The following LTBP1 variants were observed in gnomAD, a reference collection of about 807,000 sequenced individuals.
LTBP1 encodes latent transforming growth factor beta binding protein 1, also known as latent-transforming growth factor beta-binding protein 1.
LTBP1 carries 129 observed loss-of-function variants against 207.6 expected under a neutral mutation model. The observed-to-expected ratio is 0.62, with a 90% confidence interval of 0.54 to 0.72. LTBP1 has a LOEUF of 0.72. Ranked by LOEUF, LTBP1 falls within the 30% of genes least tolerant of loss-of-function variation. The probability of loss-of-function intolerance (pLI) is 0.00; values close to 1 mark genes in which losing one functional copy is unlikely to be tolerated. For missense variants in LTBP1, 2,281 were observed against 2,217.2 expected (o/e 1.03, Z -0.58); for synonymous variants, 963 against 833.7 (o/e 1.16, Z -2.67).
intron 26 of LTBP1, 107 bp downstream of exon 26, chr2:33,347,617 G>T: frequency 7.5e-7 from 1 of 1,333,632 alleles, no homozygotes; most frequent in Non-Finnish European, 1.1e-6. Flanking sequence ...GCAGCCAGAT[G>T]TCCTGACACA....
intron 5 of LTBP1, among the ~76,000 whole-genome samples, chr2:33,169,336 T>A (rs1332837930): frequency 6.6e-6 from 1 of 152,182 alleles, no homozygotes; most frequent in Non-Finnish European, 1.5e-5. Context: ...ACATTATGTC[T>A]CTCTCCCCCT....
At chr2:33,149,634 AAGGATTGAG>A (rs1461829822) in intron 5 of LTBP1, among the ~76,000 whole-genome samples, 1 of 152,164 alleles carries the variant, frequency 6.6e-6, no homozygotes, top group African/African-American at 2.4e-5. Context: ...TAGAGGGTGC[AAGGATTGAG>A]ATGGTTTGGG....
chr2:33,337,726 G>C (rs2094569175), intron 24 of LTBP1, among the ~76,000 whole-genome samples: 1 of 152,146 alleles, frequency 6.6e-6, no homozygotes, highest in Non-Finnish European at 1.5e-5. Flanking sequence ...AAGCAAAATT[G>C]CTTGGTAGTT....
intron 5 of LTBP1, among the ~76,000 whole-genome samples, chr2:33,140,494 A>G (rs939068705): frequency 3.9e-5 from 6 of 152,214 alleles, no homozygotes; most frequent in Non-Finnish European, 7.3e-5. Context: ...TTTCAATACA[A>G]TAGTAAAAGA....
intron 2 of LTBP1, among the ~76,000 whole-genome samples, chr2:33,007,274 CCCGG>C (rs1205850392): frequency 2.6e-5 from 4 of 152,230 alleles, no homozygotes; most frequent in Admixed American, 2.6e-4. Flanking sequence ...AGCCATCATG[CCCGG>C]CCTTGAAAGG....
chr2:33,113,412 G>A (rs1340618522), intron 4 of LTBP1, among the ~76,000 whole-genome samples: 3 of 152,164 alleles, frequency 2.0e-5, no homozygotes, highest in Admixed American at 6.5e-5. Context: ...GGATGGAGGT[G>A]ATGGATTTAG....
At chr2:33,285,508 G>A (rs1289011366) in intron 19 of LTBP1, among the ~76,000 whole-genome samples, 1 of 146,016 alleles carries the variant, frequency 6.8e-6, no homozygotes, top group Non-Finnish European at 1.5e-5. Flanking sequence ...GAGTGCAATG[G>A]CGCGATCTCG....
chr2:33,208,407 A>G (rs2149235000), intron 7 of LTBP1, among the ~76,000 whole-genome samples: 1 of 152,286 alleles, frequency 6.6e-6, no homozygotes, highest in East Asian at 1.9e-4. Flanking sequence ...CGAGCCATTT[A>G]AGAGCTGTAA....
intron 2 of LTBP1, among the ~76,000 whole-genome samples, chr2:32,953,069 A>G (rs887699523): frequency 6.6e-6 from 1 of 152,232 alleles, no homozygotes; most frequent in Non-Finnish European, 1.5e-5. Flanking sequence ...TCTCCTTAGA[A>G]AGAAACAGAA....
chr2:33,248,586 ATTTT>A (rs201927841), intron 10 of LTBP1, among the ~76,000 whole-genome samples: 2 of 140,678 alleles, frequency 1.4e-5, no homozygotes, highest in African/African-American at 2.6e-5. Flanking sequence ...TTCTCCACGA[ATTTT>A]TTTTTTTTTT....
chr2:32,996,670 C>T (rs140432281), intron 2 of LTBP1, among the ~76,000 whole-genome samples: 319 of 152,174 alleles, frequency 2.1e-3, no homozygotes, highest in African/African-American at 7.4e-3. Flanking sequence ...TCGGAGTTTT[C>T]AAGGAACTTG....
chr2:33,144,389 C>G (rs1181978050), intron 5 of LTBP1, among the ~76,000 whole-genome samples: 4 of 152,132 alleles, frequency 2.6e-5, no homozygotes, highest in Non-Finnish European at 4.4e-5. Context: ...AGCACCATGT[C>G]CTCTCTGCCT....
intron 2 of LTBP1, among the ~76,000 whole-genome samples, chr2:32,957,839 G>A (rs1430909256): frequency 6.6e-6 from 1 of 152,162 alleles, no homozygotes; most frequent in East Asian, 1.9e-4. Context: ...ACTGATGTGT[G>A]TCTGTTAATT....
At chr2:33,240,637 G>A (rs1046274905) in intron 9 of LTBP1, among the ~76,000 whole-genome samples, 2 of 149,286 alleles carry the variant, frequency 1.3e-5, no homozygotes, top group African/African-American at 5.0e-5. Flanking sequence ...TCAGGTGATG[G>A]AAACATTCTT....
chr2:33,315,804 G>A (rs576563352), intron 24 of LTBP1, among the ~76,000 whole-genome samples: 2 of 152,274 alleles, frequency 1.3e-5, no homozygotes, highest in South Asian at 4.2e-4. Context: ...AGGTGTGGTG[G>A]TGGGTGTCTG....
At chr2:33,265,196 A>G (rs2093141214) in intron 15 of LTBP1, among the ~76,000 whole-genome samples, 1 of 152,186 alleles carries the variant, frequency 6.6e-6, no homozygotes, top group Non-Finnish European at 1.5e-5. Context: ...CACACCCAGA[A>G]ATATGTGATC....
In LTBP1 at chr2:33,399,458, G is replaced by A. The variant is rs2095386728; in HGVS notation, c.*913G>A. On this transcript the variant is annotated 3_prime_UTR_variant, in exon 34 of 34. Coordinates refer to ENST00000404816, the MANE Select transcript of LTBP1 (RefSeq NM_206943.4). ...TTTCCAGTGGTCTTCTGTTAATGTAGTGTCTTTTACAAGTTAATCATTAAA... is the reference window on the plus strand; with the variant it reads ...TTTCCAGTGGTCTTCTGTTAATGTAATGTCTTTTACAAGTTAATCATTAAA... 6.6e-6 allele frequency: 1 copy of A among 152,182 alleles called. No homozygotes were observed. The highest frequency in any genetic ancestry group is 1.5e-5 in the Non-Finnish European group (1 of 68,038). 9.4% of individuals were successfully genotyped at this position (152,182 alleles called of 1,614,324 possible). A position where few individuals can be genotyped will look rare whatever the true frequency, so the allele number is the denominator to read the frequency against.
At chr2:33,296,676 A>C (rs2093881248) in intron 20 of LTBP1, among the ~76,000 whole-genome samples, 1 of 152,144 alleles carries the variant, frequency 6.6e-6, no homozygotes, top group East Asian at 1.9e-4. Flanking sequence ...AACTAACAGC[A>C]ATCTAATATC....
intron 14 of LTBP1, 76 bp downstream of exon 14, chr2:33,262,897 C>A: frequency 1.0e-6 from 1 of 986,340 alleles, no homozygotes; most frequent in African/African-American, 1.6e-5. Context: ...TTGTCTTTGA[C>A]TTTGTGTAGT....
Sources: gnomAD v4.1 joint callset for allele counts (sites outside exome capture counted in the v4.1 genomes callset) on GRCh38, gnomAD v4.1.1 for gene constraint, MANE v1.5 for transcripts, NCBI Gene and HGNC (gene_info 2026-07-23, HGNC 2026-07-21) for gene names.